STXBP5: variants seen among roughly 807,000 people sequenced by gnomAD.
STXBP5 encodes the protein syntaxin binding protein 5, also known as syntaxin-binding protein 5.
In STXBP5, 50 loss-of-function variants were observed where a neutral mutation model predicts 152.4. The ratio of observed to expected loss-of-function variants is 0.33; its 90% CI spans 0.26 to 0.42. The LOEUF (loss-of-function observed/expected upper bound fraction) is 0.42. STXBP5 is among the 10% of genes least tolerant of loss of function. The pLI, the probability that STXBP5 is intolerant of heterozygous loss-of-function variation, is 1.00. For missense variants in STXBP5, 1,167 were observed against 1,388.6 expected (o/e 0.84, Z 2.54); for synonymous variants, 492 against 494.7 (o/e 0.99, Z 0.07).
chr6:147,323,290 A>G (rs1783031108), intron 16 of STXBP5, among the ~76,000 whole-genome samples: 1 of 152,190 alleles, frequency 6.6e-6, no homozygotes, highest in South Asian at 2.1e-4. Context: ...TCAGAATCAC[A>G]GGAACTTCCC....
chr6:147,363,257 G>A (rs1020187803), intron 23 of STXBP5, 78 bp from the exon 24 acceptor site: 13 of 1,387,940 alleles, frequency 9.4e-6, no homozygotes, highest in African/African-American at 7.3e-5. Context: ...AGTATCTACT[G>A]TATGTCAAAG....
chr6:147,341,913 C>T (rs887835409), intron 21 of STXBP5, among the ~76,000 whole-genome samples: 1 of 152,056 alleles, frequency 6.6e-6, no homozygotes, highest in African/African-American at 2.4e-5. Flanking sequence ...ATAATCCCAG[C>T]GGGTTAGTTA....
At position 147,204,773 on chromosome 6, in the gene STXBP5, G is replaced by A; in HGVS notation, c.150+91G>A. On this transcript the variant is annotated intron_variant, in intron 1 of 27. Transcript: ENST00000321680. The surrounding 1 kb of genome is among the most constrained non-coding windows in gnomAD (Gnocchi z 4.3). The stretch of plus-strand genomic sequence containing the variant: ...TCGGGCTTTACATGGGAATGCAAGG[G>A]AAGAGAACGCCAATAATAATAATAA... 5 of 1,280,530 alleles carry A rather than the reference G, an allele frequency of 3.9e-6. No individual in the cohort carries two copies. Among genetic ancestry groups the A allele is most frequent in the Non-Finnish European group, 5.2e-6 (5 of 957,656 alleles). The allele number at this position is 1,280,530 out of a possible 1,614,324, so 79.3% of individuals were successfully genotyped here. A position where few individuals can be genotyped will look rare whatever the true frequency, so the allele number is the denominator to read the frequency against.
chr6:147,251,563 T>C (rs1243801945), intron 4 of STXBP5, among the ~76,000 whole-genome samples: 1 of 152,140 alleles, frequency 6.6e-6, no homozygotes, highest in African/African-American at 2.4e-5. Flanking sequence ...GGGCAGGGCA[T>C]CTCTGAAAGA....
intron 2 of STXBP5, among the ~76,000 whole-genome samples, chr6:147,230,530 A>G (rs753161151): frequency 2.6e-5 from 4 of 151,950 alleles, no homozygotes; most frequent in Non-Finnish European, 4.4e-5. Flanking sequence ...AATTAGACCA[A>G]TCTGGGTTTA....
At position 147,245,443 on chromosome 6, in the gene STXBP5, C is replaced by G. The variant is rs1180478959; in HGVS notation, c.431+6173C>G. On this transcript the variant is annotated intron_variant, in intron 4 of 27. Transcript: ENST00000321680. Reference sequence around the variant, plus strand: ...CAGACTCAGCTCAGGGATTTGTCTGCTGTATAATTTTTATCACAGGGACAA... The same window carrying G: ...CAGACTCAGCTCAGGGATTTGTCTGGTGTATAATTTTTATCACAGGGACAA... Among the ~76,000 whole-genome samples the G allele has an allele frequency of 2.0e-5, 3 of 152,230 alleles. No homozygotes were observed. In the East Asian group the frequency reaches 5.8e-4, roughly 29 times the overall value.
At chr6:147,351,165 G>A (rs961877810) in intron 21 of STXBP5, among the ~76,000 whole-genome samples, 1 of 152,210 alleles carries the variant, frequency 6.6e-6, no homozygotes, top group Non-Finnish European at 1.5e-5. Context: ...AGCAGCATCA[G>A]CAGCTCCTGG....
At chr6:147,356,747 T>C (rs928668823) in intron 22 of STXBP5, among the ~76,000 whole-genome samples, 2 of 152,146 alleles carry the variant, frequency 1.3e-5, no homozygotes, top group African/African-American at 4.8e-5. Flanking sequence ...GCAAAAAACT[T>C]CTTGTAAGGT....
chr6:147,369,270 CA>C (rs532365049), intron 25 of STXBP5, among the ~76,000 whole-genome samples: 1 of 151,158 alleles, frequency 6.6e-6, no homozygotes, highest in Non-Finnish European at 1.5e-5. Flanking sequence ...TATTAAAATG[CA>C]AAAAAAATCA....
At chr6:147,328,602 G>T in intron 18 of STXBP5, 14 of 339,956 alleles carry the variant, frequency 4.1e-5, no homozygotes, top group South Asian at 1.4e-4. Context: ...TGATCATTTT[G>T]TCATGTAATA....
intron 9 of STXBP5, among the ~76,000 whole-genome samples, chr6:147,304,194 T>C (rs572057459): frequency 6.6e-6 from 1 of 151,780 alleles, no homozygotes; most frequent in Admixed American, 6.6e-5. Context: ...GAGAAAAAAA[T>C]GTTTTCGAGG....
chr6:147,374,582 T>C (rs79806067), intron 26 of STXBP5, among the ~76,000 whole-genome samples: 4,401 of 152,226 alleles, frequency 0.029, 105 homozygotes, highest in Admixed American at 0.05. Flanking sequence ...CTGAGGAAAA[T>C]TTATAACGTT....
chr6:147,217,066 C>T lies in STXBP5; in HGVS notation c.248+10998C>T, dbSNP rs115001227. 8.1e-3 allele frequency among the ~76,000 whole-genome samples: 1,240 copies of T among 152,274 alleles called. 19 individuals are homozygous for T. Among genetic ancestry groups the T allele is most frequent in the African/African-American group, 0.029 (1,188 of 41,548 alleles). On this transcript the variant is annotated intron_variant, in intron 2 of 27. Transcript: ENST00000321680. The stretch of plus-strand genomic sequence containing the variant: ...TTAATCCTGCTCTTTCTTTAAAGTA[C>T]GTAATCTTTTCTTGTGATGGCAGTA...
At chr6:147,332,422 C>T (rs1168596672) in intron 18 of STXBP5, among the ~76,000 whole-genome samples, 2 of 152,294 alleles carry the variant, frequency 1.3e-5, no homozygotes, top group South Asian at 4.1e-4. Flanking sequence ...AATAGAGTGT[C>T]TAGATGATTT....
chr6:147,317,445 A>G (rs1364363059), intron 16 of STXBP5, among the ~76,000 whole-genome samples: 1 of 152,126 alleles, frequency 6.6e-6, no homozygotes, highest in African/African-American at 2.4e-5. Context: ...TTTGTTCCCT[A>G]GGGGACATTT....
At chr6:147,352,449 A>G (rs9497756) in intron 21 of STXBP5, among the ~76,000 whole-genome samples, 2,733 of 152,212 alleles carry the variant, frequency 0.018, 69 homozygotes, top group African/African-American at 0.061. Context: ...CATCTCCACT[A>G]AGAATACAAA....
At position 147,316,336 on chromosome 6, in the gene STXBP5, CCCT is replaced by C. The variant is rs756575163; in HGVS notation, c.1736_1738del (p.Pro579del). The C allele has an allele frequency of 2.5e-6, 4 of 1,612,660 alleles. No homozygotes were observed. The highest frequency in any genetic ancestry group is 3.4e-6 in the Non-Finnish European group (4 of 1,179,510). ...TGGGAGGGTCCAACCCTCAGCCCAT[CCCT>C]CCTCAGTCTCATCCATCTACCAGTA... On this transcript the variant is annotated inframe_deletion, in exon 16 of 28. Transcript: ENST00000321680.
intron 18 of STXBP5, 84 bp from the exon 19 acceptor site, chr6:147,334,073 A>G: frequency 7.7e-7 from 1 of 1,305,782 alleles, no homozygotes; most frequent in Non-Finnish European, 1.1e-6. Flanking sequence ...AATGGACAGT[A>G]GTTAAATGTG....
At chr6:147,263,934 G>C (rs575317896) in intron 6 of STXBP5, among the ~76,000 whole-genome samples, 1 of 151,678 alleles carries the variant, frequency 6.6e-6, no homozygotes, top group South Asian at 2.1e-4. Context: ...TTTGAAACTC[G>C]TTAAGCACAA....
Sources: allele counts gnomAD v4.1 joint callset (sites outside exome capture counted in the v4.1 genomes callset), GRCh38; gene constraint gnomAD v4.1.1; non-coding constraint Gnocchi (gnomAD v3.1); transcripts MANE v1.5; gene names NCBI Gene and HGNC (gene_info 2026-07-23, HGNC 2026-07-21).